Variants in TNIK observed in about 807,000 individuals in gnomAD.
The protein encoded by TNIK is TRAF2 and NCK interacting kinase, also known as TRAF2 and NCK-interacting protein kinase.
Under a neutral mutation model 191.3 loss-of-function variants are expected in TNIK, and 49 were observed. The observed-to-expected ratio is 0.26, with a 90% confidence interval of 0.20 to 0.32. The LOEUF (loss-of-function observed/expected upper bound fraction) is 0.32. Among genes scored for constraint, TNIK ranks in the 10% least tolerant of loss-of-function variants. TNIK has a pLI of 1.00. For missense variants in TNIK, 1,155 were observed against 1,702.3 expected (o/e 0.68, Z 5.66); for synonymous variants, 594 against 600.9 (o/e 0.99, Z 0.17).
intron 1 of TNIK, among the ~76,000 whole-genome samples, chr3:171,374,119 T>C (rs993857443): frequency 1.8e-4 from 27 of 152,198 alleles, no homozygotes; most frequent in African/African-American, 6.0e-4. Context: ...ACATGTATAG[T>C]GCAAATCACA....
chr3:171,234,865 G>A (rs566586397), intron 2 of TNIK, among the ~76,000 whole-genome samples: 24 of 152,216 alleles, frequency 1.6e-4, no homozygotes, highest in African/African-American at 5.3e-4. Context: ...AAAAGCAGAC[G>A]AGCCAGCCTC....
At chr3:171,288,078 A>C (rs1048624482) in intron 2 of TNIK, among the ~76,000 whole-genome samples, 6 of 148,476 alleles carry the variant, frequency 4.0e-5, no homozygotes, top group Non-Finnish European at 8.9e-5. Context: ...ACAAAAAACC[A>C]AACACCACAT....
chr3:171,178,740 T>C (rs555815841), intron 7 of TNIK, among the ~76,000 whole-genome samples: 1 of 152,334 alleles, frequency 6.6e-6, no homozygotes, highest in Non-Finnish European at 1.5e-5. Flanking sequence ...CATCCTAATA[T>C]AGATATTTCA....
chr3:171,241,030 C>T (rs565173358), intron 2 of TNIK, among the ~76,000 whole-genome samples: 20 of 140,724 alleles, frequency 1.4e-4, no homozygotes, highest in South Asian at 8.7e-4. Flanking sequence ...CTTTTTTTTT[C>T]TTTTCTTTTT....
chr3:171,208,995 G>T (rs35344711), intron 4 of TNIK, among the ~76,000 whole-genome samples: 10 of 151,770 alleles, frequency 6.6e-5, no homozygotes, highest in Non-Finnish European at 1.5e-4. Flanking sequence ...CTAAATAAGT[G>T]ACCTGATTTA....
chr3:171,217,267 G>A (rs1305786026), intron 3 of TNIK, among the ~76,000 whole-genome samples: 1 of 152,082 alleles, frequency 6.6e-6, no homozygotes, highest in Admixed American at 6.6e-5. Context: ...TTGAGCTAGA[G>A]GCTATTATCC....
At chr3:171,441,588 GC>G (rs1334246358) in intron 1 of TNIK, among the ~76,000 whole-genome samples, 4 of 152,136 alleles carry the variant, frequency 2.6e-5, no homozygotes, top group Non-Finnish European at 5.9e-5. Flanking sequence ...CCATTTTTGG[GC>G]CACTGTGAAT....
At chr3:171,175,436 C>T in intron 8 of TNIK, 106 bp from the exon 9 acceptor site, 2 of 834,052 alleles carry the variant, frequency 2.4e-6, no homozygotes, top group Non-Finnish European at 3.7e-6. Context: ...ACTCAGTTTA[C>T]ACACCACCAG....
chr3:171,357,902 G>A lies in TNIK; in HGVS notation c.123+11718C>T, dbSNP rs554178499. 4.6e-5 allele frequency among the ~76,000 whole-genome samples: 7 copies of A among 152,264 alleles called. No individual in the cohort carries two copies. In the East Asian group the frequency reaches 9.7e-4, roughly 21 times the overall value. On this transcript the variant is annotated intron_variant, in intron 2 of 32. Coordinates refer to ENST00000436636, the MANE Select transcript of TNIK (RefSeq NM_015028.4). ...GGATGGGCCGTAGATGAGGCTGGAG[G>A]GGGAGGCAGAGGTCATGTCATAGGA...
chr3:171,304,851 A>T (rs1247130597), intron 2 of TNIK, among the ~76,000 whole-genome samples: 2 of 151,742 alleles, frequency 1.3e-5, no homozygotes, highest in Non-Finnish European at 2.9e-5. Flanking sequence ...CACACCGGGG[A>T]CCGTTGTGGG....
intron 2 of TNIK, among the ~76,000 whole-genome samples, chr3:171,245,656 A>T (rs1745506988): frequency 6.6e-6 from 1 of 152,036 alleles, no homozygotes; most frequent in South Asian, 2.1e-4. Flanking sequence ...GATTGATTTT[A>T]AAAATCTGTG....
intron 2 of TNIK, among the ~76,000 whole-genome samples, chr3:171,318,957 G>A (rs1754914889): frequency 6.6e-6 from 1 of 152,032 alleles, no homozygotes; most frequent in African/African-American, 2.4e-5. Context: ...TTGAGGCCAG[G>A]AGTTCAAAAC....
chr3:171,264,103 CACACACACATATATAT>C (rs1257465603), intron 2 of TNIK, among the ~76,000 whole-genome samples: 1 of 76,382 alleles, frequency 1.3e-5, no homozygotes, highest in African/African-American at 7.4e-5. Flanking sequence ...CACACACACA[CACACACACATATATAT>C]ATATATATAT....
chr3:171,373,688 T>C (rs1195987451), intron 1 of TNIK, among the ~76,000 whole-genome samples: 1 of 152,184 alleles, frequency 6.6e-6, no homozygotes, highest in African/African-American at 2.4e-5. Flanking sequence ...TTCCCAGCCT[T>C]GTGTTCCATC....
At chr3:171,341,001 T>C (rs1757444831) in intron 2 of TNIK, among the ~76,000 whole-genome samples, 1 of 151,946 alleles carries the variant, frequency 6.6e-6, no homozygotes, top group South Asian at 2.1e-4. Context: ...ATTGGAGAGG[T>C]AGCTAGGGGT....
At chr3:171,296,043 A>C (rs190637271) in intron 2 of TNIK, among the ~76,000 whole-genome samples, 55 of 152,344 alleles carry the variant, frequency 3.6e-4, no homozygotes, top group Non-Finnish European at 6.9e-4. Flanking sequence ...TAAAAACAGT[A>C]TATTTTTAAA....
At chr3:171,209,185 A>G (rs1740487067) in intron 4 of TNIK, among the ~76,000 whole-genome samples, 1 of 151,804 alleles carries the variant, frequency 6.6e-6, no homozygotes, top group Non-Finnish European at 1.5e-5. Context: ...TTAAAAAAAA[A>G]TCTTTGACAG....
chr3:171,104,401 C>T (rs1724295000), intron 21 of TNIK, among the ~76,000 whole-genome samples: 1 of 151,966 alleles, frequency 6.6e-6, no homozygotes, highest in Non-Finnish European at 1.5e-5. Context: ...CTGTCACAAG[C>T]CTGGAGCTAA....
At chr3:171,211,986 C>T (rs116350932) in intron 3 of TNIK, among the ~76,000 whole-genome samples, 1,616 of 152,224 alleles carry the variant, frequency 0.011, 27 homozygotes, top group African/African-American at 0.037. Context: ...GGTGACCTCC[C>T]ATAATTTTAT....
Sources: gnomAD v4.1 joint callset for allele counts (sites outside exome capture counted in the v4.1 genomes callset) on GRCh38, gnomAD v4.1.1 for gene constraint, MANE v1.5 for transcripts, NCBI Gene and HGNC (gene_info 2026-07-23, HGNC 2026-07-21) for gene names.